Variants in CNTNAP2 observed in about 807,000 individuals in gnomAD.
CNTNAP2 encodes contactin associated protein 2, also known as contactin-associated protein-like 2.
Under a neutral mutation model 155.2 loss-of-function variants are expected in CNTNAP2, and 98 were observed. The observed-to-expected ratio is 0.63, with a 90% CI of 0.54 to 0.75. The LOEUF (loss-of-function observed/expected upper bound fraction) is 0.75, where lower values mean the gene tolerates loss of function less well. Among genes scored for constraint, CNTNAP2 ranks in the 30% least tolerant of loss-of-function variants. The probability of loss-of-function intolerance (pLI) is 0.00; values close to 1 mark genes in which losing one functional copy is unlikely to be tolerated. For missense variants in CNTNAP2, 1,727 were observed against 1,688.1 expected, an observed-to-expected ratio of 1.02 and a Z score of -0.40; for synonymous variants, 651 against 631.2, an observed-to-expected ratio of 1.03 and a Z score of -0.47.
chr7:148,002,799 A>G (rs189232319), intron 15 of CNTNAP2, among the ~76,000 whole-genome samples: 1 of 152,334 alleles, frequency 6.6e-6, no homozygotes, highest in Admixed American at 6.5e-5. Context: ...TATCTGCCAC[A>G]GAGCCTAGCA....
intron 15 of CNTNAP2, among the ~76,000 whole-genome samples, chr7:148,024,530 G>A (rs1479337335): frequency 1.3e-5 from 2 of 152,166 alleles, no homozygotes; most frequent in African/African-American, 4.8e-5. Flanking sequence ...AGGAAACCCA[G>A]CTTTGTTCCT....
intron 1 of CNTNAP2, among the ~76,000 whole-genome samples, chr7:146,765,084 C>A (rs1196282797): frequency 6.6e-6 from 1 of 152,042 alleles, no homozygotes; most frequent in Non-Finnish European, 1.5e-5. Flanking sequence ...ATATTAGGAA[C>A]ACCAAAGTCT....
Position 146,902,947 on chromosome 7 carries a change from C to T in CNTNAP2, c.402+63043C>T, listed in dbSNP as rs561016158. On this transcript the variant is annotated intron_variant, in intron 3 of 23. Transcript: ENST00000361727. ...TGTCTCCTCTCTAACCACACTGACT[C>T]AGTGACTGGTCAGAACTACTCGAGT... Among the ~76,000 whole-genome samples, 13 of 152,326 alleles carry T rather than the reference C, an allele frequency of 8.5e-5. No individual in the cohort carries two copies. The South Asian group carries it at 2.7e-3, about 32-fold the overall frequency.
intron 2 of CNTNAP2, among the ~76,000 whole-genome samples, chr7:146,815,900 C>A (rs1308136416): frequency 2.6e-5 from 4 of 152,088 alleles, no homozygotes; most frequent in Non-Finnish European, 5.9e-5. Context: ...TTAATGATAT[C>A]CCTCTCTGCT....
intron 13 of CNTNAP2, among the ~76,000 whole-genome samples, chr7:147,736,292 TC>T (rs1796842336): frequency 6.6e-6 from 1 of 152,048 alleles, no homozygotes; most frequent in South Asian, 2.1e-4. Context: ...GCTTAGTTTG[TC>T]TGGATGTGAA....
chr7:146,157,979 C>T (rs969381732), intron 1 of CNTNAP2, among the ~76,000 whole-genome samples: 6 of 152,184 alleles, frequency 3.9e-5, no homozygotes, highest in Non-Finnish European at 8.8e-5. Context: ...CTAGGAGACA[C>T]CTCCCAGTAG....
chr7:147,627,078 C>T (rs1052493462), intron 12 of CNTNAP2, among the ~76,000 whole-genome samples: 11 of 152,212 alleles, frequency 7.2e-5, no homozygotes, highest in East Asian at 1.9e-4. Context: ...ACAATCTCTG[C>T]GTTCCAGCTC....
intron 1 of CNTNAP2, among the ~76,000 whole-genome samples, chr7:146,412,224 G>A (rs1327598713): frequency 1.3e-5 from 2 of 152,210 alleles, no homozygotes; most frequent in Non-Finnish European, 2.9e-5. Flanking sequence ...TTAACCAGGA[G>A]CCAGGGACGT....
At chr7:146,143,226 T>C (rs1382056277) in intron 1 of CNTNAP2, among the ~76,000 whole-genome samples, 1 of 152,230 alleles carries the variant, frequency 6.6e-6, no homozygotes, top group Non-Finnish European at 1.5e-5. Flanking sequence ...AAGACATTTT[T>C]CTTCACATTT....
In CNTNAP2 at chr7:148,417,919, A is replaced by G. The variant is rs541842119; in HGVS notation, c.*2303A>G. On this transcript the variant is annotated 3_prime_UTR_variant, in exon 24 of 24. Transcript: ENST00000361727. ...TCTCCTTTTCCTGCCACAAAAGGTG[A>G]AAAATGAGATCCAATCCTCTCACCA... is the stretch of plus-strand genomic sequence containing the variant. 1 of 152,378 alleles carries G rather than the reference A, an allele frequency of 6.6e-6. No individual in the cohort carries two copies. The highest frequency in any genetic ancestry group is 2.1e-4 in the South Asian group (1 of 4,828). The allele number at this position is 152,378 out of a possible 1,614,324, so 9.4% of individuals were successfully genotyped here. A position where few individuals can be genotyped will look rare whatever the true frequency, so the allele number is the denominator to read the frequency against.
intron 15 of CNTNAP2, among the ~76,000 whole-genome samples, chr7:148,082,107 G>A (rs189287841): frequency 6.6e-5 from 10 of 152,108 alleles, no homozygotes; most frequent in East Asian, 1.9e-4. Flanking sequence ...TCATCAGGCC[G>A]GCTTTTAAAG....
At chr7:147,445,901 C>T (rs1055026055) in intron 10 of CNTNAP2, among the ~76,000 whole-genome samples, 1 of 151,996 alleles carries the variant, frequency 6.6e-6, no homozygotes, top group Non-Finnish European at 1.5e-5. Context: ...CTCAAGTGAT[C>T]ATCCTGGCTC....
intron 21 of CNTNAP2, chr7:148,339,647 G>C (rs1316463039): frequency 6.6e-6 from 1 of 152,308 alleles, no homozygotes; most frequent in Admixed American, 6.5e-5. Context: ...AGTATTGCGC[G>C]CGGGCTGGCT....
intron 6 of CNTNAP2, chr7:147,122,741 ATAT>A (rs1185641664): frequency 1.3e-5 from 2 of 152,228 alleles, no homozygotes; most frequent in African/African-American, 4.8e-5. Context: ...AAGGTGTCAA[ATAT>A]TGTTGTGTTT....
At chr7:147,565,235 T>G (rs10272825) in intron 12 of CNTNAP2, among the ~76,000 whole-genome samples, 1 of 151,872 alleles carries the variant, frequency 6.6e-6, no homozygotes, top group Middle Eastern at 3.2e-3. Context: ...GAGATTGGCT[T>G]ATTCCAAAGA....
chr7:146,621,317 T>C (rs1027353327), intron 1 of CNTNAP2, among the ~76,000 whole-genome samples: 4 of 152,234 alleles, frequency 2.6e-5, no homozygotes, highest in African/African-American at 9.6e-5. Context: ...GTGCTAACAT[T>C]TGTCATAATT....
At chr7:148,303,650 T>C (rs567399695) in intron 21 of CNTNAP2, among the ~76,000 whole-genome samples, 5 of 152,310 alleles carry the variant, frequency 3.3e-5, no homozygotes, top group African/African-American at 1.2e-4. Flanking sequence ...TGGATGATAA[T>C]ATCAATAAAT....
chr7:147,015,878 C>T (rs1261714004), intron 3 of CNTNAP2, among the ~76,000 whole-genome samples: 1 of 152,018 alleles, frequency 6.6e-6, no homozygotes, highest in East Asian at 1.9e-4. Flanking sequence ...ACAGTAAGAA[C>T]CGAGAAGGTA....
intron 13 of CNTNAP2, among the ~76,000 whole-genome samples, chr7:147,892,712 C>A (rs1299320178): frequency 2.6e-5 from 4 of 152,102 alleles, no homozygotes; most frequent in African/African-American, 9.7e-5. Context: ...AAGTTCAATT[C>A]AGTAAAATAA....
Sources: allele counts gnomAD v4.1 joint callset (sites outside exome capture counted in the v4.1 genomes callset), GRCh38; gene constraint gnomAD v4.1.1; transcripts MANE v1.5; gene names NCBI Gene and HGNC (gene_info 2026-07-23, HGNC 2026-07-21).